GPHN: variants seen among roughly 807,000 people sequenced by gnomAD.
GPHN encodes gephyrin.
GPHN carries 17 observed loss-of-function variants against 95.5 expected under a neutral mutation model. The ratio of observed to expected loss-of-function variants is 0.18; its 90% CI spans 0.12 to 0.27. GPHN has a LOEUF of 0.27. Ranked by LOEUF, GPHN falls within the 10% of genes least tolerant of loss-of-function variation. The pLI, the probability that GPHN is intolerant of heterozygous loss-of-function variation, is 1.00. For synonymous variants in GPHN, 320 were observed against 322.5 expected (o/e 0.99, Z 0.08); for missense variants, 660 against 978.1 (o/e 0.67, Z 4.34).
At chr14:67,058,610 T>TA in intron 10 of GPHN, 39 bp from the exon 11 acceptor site, 1 of 1,579,862 alleles carries the variant, frequency 6.3e-7, no homozygotes, top group Non-Finnish European at 8.7e-7. Context: ...TAATCAGTGT[T>TA]ACAGCATCAT....
At chr14:67,108,975 C>T (rs1458313516) in intron 13 of GPHN, among the ~76,000 whole-genome samples, 1 of 151,890 alleles carries the variant, frequency 6.6e-6, no homozygotes, top group South Asian at 2.1e-4. Flanking sequence ...TCTTGTTGTC[C>T]GACCATCATA....
intron 13 of GPHN, among the ~76,000 whole-genome samples, chr14:67,107,312 G>C (rs1321358115): frequency 6.6e-6 from 1 of 152,084 alleles, no homozygotes; most frequent in African/African-American, 2.4e-5. Flanking sequence ...TGGAGTGACT[G>C]TGGAGCCAGG....
intron 1 of GPHN, among the ~76,000 whole-genome samples, chr14:66,619,151 G>A (rs2153310609): frequency 6.6e-6 from 1 of 152,122 alleles, no homozygotes; most frequent in South Asian, 2.1e-4. Context: ...ATAGACATTT[G>A]GTTGTTTCTA....
At chr14:66,538,419 G>A (rs778982616) in intron 1 of GPHN, among the ~76,000 whole-genome samples, 4 of 149,860 alleles carry the variant, frequency 2.7e-5, no homozygotes, top group East Asian at 2.0e-4. Context: ...TGTGTTAGGC[G>A]TTTTGACTGT....
chr14:66,931,858 G>A (rs932097031), intron 8 of GPHN, among the ~76,000 whole-genome samples: 1 of 152,106 alleles, frequency 6.6e-6, no homozygotes, highest in African/African-American at 2.4e-5. Flanking sequence ...TACAGACTTG[G>A]TCACTGGTGC....
Position 66,602,496 on chromosome 14 carries a change from A to G in GPHN, c.65-78611A>G, listed in dbSNP as rs752123387. Among the ~76,000 whole-genome samples, 61 of 152,036 alleles carry G rather than the reference A, an allele frequency of 4.0e-4. 1 individual carries two copies. The highest frequency in any genetic ancestry group is 6.9e-4 in the Non-Finnish European group (47 of 67,878). ...ATTAGAAGATAACCTATTCTGTTTC[A>G]GCACCAGTGCTTTGACACATATAAC... On this transcript the variant is annotated intron_variant, in intron 1 of 22. Coordinates refer to ENST00000478722, the MANE Select transcript of GPHN (RefSeq NM_020806.5).
At chr14:67,366,665 C>G in the GPHN span, among the ~76,000 whole-genome samples, 1 of 152,252 alleles carries the variant, frequency 6.6e-6, no homozygotes, top group South Asian at 2.1e-4. Context: ...TGCAAAAGAG[C>G]CTGTAGAGAG....
chr14:67,144,287 A>ATATATATG (rs1331173986), intron 18 of GPHN, among the ~76,000 whole-genome samples: 2 of 113,308 alleles, frequency 1.8e-5, no homozygotes, highest in Non-Finnish European at 3.7e-5. Context: ...ATATATATAT[A>ATATATATG]CACACACACA....
intron 2 of GPHN, among the ~76,000 whole-genome samples, chr14:66,716,865 G>A (rs2070231881): frequency 6.6e-6 from 1 of 152,166 alleles, no homozygotes; most frequent in Non-Finnish European, 1.5e-5. Flanking sequence ...AGCTTGTAGG[G>A]TTTCTGCTGA....
At chr14:66,871,283 T>C (rs2063423789) in intron 4 of GPHN, among the ~76,000 whole-genome samples, 1 of 152,254 alleles carries the variant, frequency 6.6e-6, no homozygotes, top group Non-Finnish European at 1.5e-5. Context: ...TTCAGCTATC[T>C]GTTGATATTT....
At chr14:66,891,992 G>T (rs901064536) in intron 5 of GPHN, among the ~76,000 whole-genome samples, 2 of 152,160 alleles carry the variant, frequency 1.3e-5, no homozygotes, top group Non-Finnish European at 2.9e-5. Flanking sequence ...GTGGCAGAAT[G>T]TTTAGAAACA....
the GPHN span, among the ~76,000 whole-genome samples, chr14:67,288,617 C>A: frequency 2.0e-3 from 309 of 152,196 alleles, no homozygotes; most frequent in African/African-American, 7.0e-3. Flanking sequence ...TTTATAATTT[C>A]TTTTTCTTAT....
rs553771751 is a variant in GPHN, at chr14:66,882,292, A to G, written c.389+2259A>G. On this transcript the variant is annotated intron_variant, in intron 5 of 22. Coordinates refer to ENST00000478722, the MANE Select transcript of GPHN (RefSeq NM_020806.5). Reference sequence around the variant, plus strand: ...AAAAATGTATATTGTTGCAGTTACTATGGATAAATCAGTGTTTTACCATAG... The same window carrying G: ...AAAAATGTATATTGTTGCAGTTACTGTGGATAAATCAGTGTTTTACCATAG... 9.7e-4 allele frequency among the ~76,000 whole-genome samples: 148 copies of G among 151,980 alleles called. 1 individual carries two copies. The Middle Eastern group carries it at 0.034, about 35-fold the overall frequency.
chr14:66,873,892 C>G (rs1250373888), intron 4 of GPHN, among the ~76,000 whole-genome samples: 1 of 152,242 alleles, frequency 6.6e-6, no homozygotes, highest in Non-Finnish European at 1.5e-5. Flanking sequence ...CAGCACAGGG[C>G]TCAAGCTCTG....
At chr14:67,494,388 A>G in the GPHN span, among the ~76,000 whole-genome samples, 1 of 152,234 alleles carries the variant, frequency 6.6e-6, no homozygotes, top group Non-Finnish European at 1.5e-5. Flanking sequence ...AGCTTTCTCA[A>G]GGTCACAGTG....
chr14:67,443,451 A>C, the GPHN span, among the ~76,000 whole-genome samples: 1 of 152,172 alleles, frequency 6.6e-6, no homozygotes, highest in East Asian at 1.9e-4. Flanking sequence ...AAGGCATTTC[A>C]AGCCGATGGC....
chr14:66,922,720 G>C lies in GPHN; in HGVS notation c.511G>C (p.Asp171His). 6.2e-7 allele frequency: 1 copy of C among 1,612,804 alleles called. No individual in the cohort carries two copies. Among genetic ancestry groups the C allele is most frequent in the Non-Finnish European group, 8.5e-7 (1 of 1,178,912 alleles). ...ALPHAIDLLR[D>H]AIVKVKEVHD... is the part of the protein sequence containing the mutation. The stretch of plus-strand genomic sequence containing the variant: ...ACCTCATGCCATTGACCTTTTACGT[G>C]ATGCCATTGTAAAAGTAAAGGAGGT... Residue 171 changes from aspartate (D) to histidine (H), a missense_variant, in exon 7 of 23, where the codon GAT becomes CAT. Asp to His is a moderately conservative substitution (Grantham distance 81). This residue lies in a region of GPHN where 71 missense variants were observed against 130.8 expected (regional missense o/e 0.54). Coordinates refer to ENST00000478722, the MANE Select transcript of GPHN (RefSeq NM_020806.5).
chr14:67,717,211 CA>C, the GPHN span, among the ~76,000 whole-genome samples: 1 of 152,220 alleles, frequency 6.6e-6, no homozygotes, highest in East Asian at 1.9e-4. Flanking sequence ...GCTGTTTTGA[CA>C]AAGGCATAGA....
intron 3 of GPHN, among the ~76,000 whole-genome samples, chr14:66,778,878 G>A (rs2059497431): frequency 6.6e-6 from 1 of 151,250 alleles, no homozygotes; most frequent in Admixed American, 6.6e-5. Context: ...TTGGATTATA[G>A]GCACATGACA....
Sources: allele counts gnomAD v4.1 joint callset (sites outside exome capture counted in the v4.1 genomes callset), GRCh38; gene constraint gnomAD v4.1.1; regional missense constraint gnomAD v4.1.1; transcripts MANE v1.5; gene names NCBI Gene and HGNC (gene_info 2026-07-23, HGNC 2026-07-21).